Variants in MTHFD2L observed in about 807,000 individuals in gnomAD.
The protein encoded by MTHFD2L is bifunctional methylenetetrahydrofolate dehydrogenase/cyclohydrolase 2, mitochondrial.
In MTHFD2L, 29 loss-of-function variants were observed where a neutral mutation model predicts 34.9. That is an observed-to-expected ratio of 0.83 (90% CI 0.62 to 1.13). MTHFD2L has a LOEUF of 1.13. Among genes scored for constraint, MTHFD2L ranks in the 50% most tolerant of loss-of-function variants. MTHFD2L has a pLI of 0.00. For synonymous variants in MTHFD2L, 167 were observed against 155.7 expected (o/e 1.07, Z -0.54); for missense variants, 481 against 446.5 (o/e 1.08, Z -0.70).
chr4:74,215,496 C>T (rs943769804), intron 5 of MTHFD2L, among the ~76,000 whole-genome samples: 7 of 151,712 alleles, frequency 4.6e-5, no homozygotes, highest in African/African-American at 1.7e-4. Context: ...ATGCCCCACC[C>T]TGCTTCAGTT....
At chr4:74,169,085 C>G (rs1247429768) in intron 1 of MTHFD2L, among the ~76,000 whole-genome samples, 1 of 152,092 alleles carries the variant, frequency 6.6e-6, no homozygotes, top group African/African-American at 2.4e-5. Context: ...TTGGAGGGGC[C>G]AGTTGCTACT....
chr4:74,244,933 G>A (rs984242167), intron 6 of MTHFD2L, among the ~76,000 whole-genome samples: 2 of 151,960 alleles, frequency 1.3e-5, no homozygotes, highest in Admixed American at 6.6e-5. Flanking sequence ...AGTGGCTCGC[G>A]GCTATAATCC....
chr4:74,118,263 A>G (rs1346563576), intron 2 of MTHFD2L, among the ~76,000 whole-genome samples: 1 of 152,206 alleles, frequency 6.6e-6, no homozygotes, highest in African/African-American at 2.4e-5. Flanking sequence ...TACAGATTTT[A>G]ACCCTCTTTT....
intron 1 of MTHFD2L, chr4:74,160,917 C>A (rs571868550): frequency 2.6e-5 from 4 of 152,210 alleles, no homozygotes; most frequent in African/African-American, 9.6e-5. Context: ...TTCACAAAAC[C>A]CGCTTTGGCT....
intron 6 of MTHFD2L, among the ~76,000 whole-genome samples, chr4:74,238,177 G>A (rs766517031): frequency 1.2e-4 from 18 of 152,246 alleles, no homozygotes; most frequent in Admixed American, 2.0e-4. Context: ...CCATACAGAG[G>A]TGGTGTTTGA....
chr4:74,221,768 A>G (rs949548045), intron 5 of MTHFD2L, among the ~76,000 whole-genome samples: 2 of 150,244 alleles, frequency 1.3e-5, no homozygotes, highest in East Asian at 1.9e-4. Flanking sequence ...TGGTAAAACT[A>G]TCATATTATT....
intron 7 of MTHFD2L, 88 bp downstream of exon 7, chr4:74,281,638 G>T: frequency 1.5e-6 from 2 of 1,315,098 alleles, no homozygotes; most frequent in Non-Finnish European, 2.1e-6. Flanking sequence ...CATTTATGGA[G>T]GAATTATTAA....
chr4:74,290,655 T>C (rs1376663539), intron 7 of MTHFD2L, among the ~76,000 whole-genome samples: 3 of 152,092 alleles, frequency 2.0e-5, no homozygotes, highest in African/African-American at 4.8e-5. Flanking sequence ...TGTGTGTGTG[T>C]GTGTGTACGC....
chr4:74,138,815 T>C (rs1016777493), intron 1 of MTHFD2L, among the ~76,000 whole-genome samples: 4 of 152,094 alleles, frequency 2.6e-5, no homozygotes, highest in Non-Finnish European at 5.9e-5. Context: ...CCAAAGCGGG[T>C]TGCCGCTCCC....
chr4:74,187,217 A>G (rs2110006871), intron 3 of MTHFD2L, among the ~76,000 whole-genome samples: 2 of 152,320 alleles, frequency 1.3e-5, no homozygotes, highest in Middle Eastern at 6.8e-3. Context: ...CAGGAAAAGA[A>G]TCAGTAAGCT....
chr4:74,146,703 T>C (rs929710813), intron 1 of MTHFD2L, among the ~76,000 whole-genome samples: 2 of 152,188 alleles, frequency 1.3e-5, no homozygotes, highest in African/African-American at 2.4e-5. Flanking sequence ...ATTTGAAAAG[T>C]TTCTGTTATT....
chr4:74,294,639 G>A (rs191622112), intron 7 of MTHFD2L, among the ~76,000 whole-genome samples: 16 of 152,044 alleles, frequency 1.1e-4, no homozygotes, highest in East Asian at 9.7e-4. Context: ...TTTTGGAGGC[G>A]TCCATATAAA....
intron 7 of MTHFD2L, 134 bp from the exon 8 acceptor site, chr4:74,301,563 T>C (rs578058254): frequency 1.8e-6 from 1 of 541,008 alleles, no homozygotes; most frequent in Non-Finnish European, 3.3e-6. Flanking sequence ...GTGTGTCTGT[T>C]TATTACAGCC....
chr4:74,282,898 CATTT>C (rs1747691411), intron 7 of MTHFD2L, among the ~76,000 whole-genome samples: 1 of 152,090 alleles, frequency 6.6e-6, no homozygotes. Context: ...GGAATGACCT[CATTT>C]ATTTATTTAA....
At chr4:74,158,444 C>A in intron 1 of MTHFD2L, 163 bp downstream of exon 1, 1 of 380,778 alleles carries the variant, frequency 2.6e-6, no homozygotes, top group Non-Finnish European at 3.7e-6. Context: ...GCCGGTCGCG[C>A]GGGCGAGTCG....
At chr4:74,242,166 G>A (rs1741814874) in intron 6 of MTHFD2L, 1 of 147,280 alleles carries the variant, frequency 6.8e-6, no homozygotes, top group African/African-American at 2.5e-5. Context: ...ATCAAAAAAT[G>A]ACAATTTAAT....
At chr4:74,235,503 A>G (rs767875299) in intron 6 of MTHFD2L, among the ~76,000 whole-genome samples, 7 of 152,144 alleles carry the variant, frequency 4.6e-5, no homozygotes, top group Non-Finnish European at 8.8e-5. Flanking sequence ...GGAAAAGTCC[A>G]GGAGAGGGTT....
At chr4:74,155,832 C>T (rs925673514), upstream of MTHFD2L, among the ~76,000 whole-genome samples, 8 of 150,634 alleles carry the variant, frequency 5.3e-5, no homozygotes, top group African/African-American at 1.9e-4. Context: ...GGATGATGTA[C>T]ATATTTCTTT....
intron 6 of MTHFD2L, among the ~76,000 whole-genome samples, chr4:74,248,494 G>T (rs1209454278): frequency 1.5e-4 from 22 of 150,474 alleles, no homozygotes; most frequent in African/African-American, 5.4e-4. Flanking sequence ...GTTCTGCTCT[G>T]ATTTTAGTTA....
Sources: allele counts gnomAD v4.1 joint callset (sites outside exome capture counted in the v4.1 genomes callset), GRCh38; gene constraint gnomAD v4.1.1; transcripts MANE v1.5; gene names NCBI Gene and HGNC (gene_info 2026-07-23, HGNC 2026-07-21).